The following STEAP1B variants were observed in gnomAD, a reference collection of about 807,000 sequenced individuals.
The protein encoded by STEAP1B is STEAP family protein MGC87042.
A neutral mutation model predicts 27.9 loss-of-function variants in STEAP1B; 13 were observed. The ratio of observed to expected loss-of-function variants is 0.47; its 90% CI spans 0.30 to 0.74. The LOEUF is 0.74. Ranked by LOEUF, STEAP1B falls within the 30% of genes least tolerant of loss-of-function variation. The pLI is 0.06. For synonymous variants in STEAP1B, 86 were observed against 107.1 expected (o/e 0.80, Z 1.22); for missense variants, 250 against 298.7 (o/e 0.84, Z 1.20).
chr7:22,451,956 G>A (rs908112135), intron 4 of STEAP1B, among the ~76,000 whole-genome samples: 1 of 152,172 alleles, frequency 6.6e-6, no homozygotes, highest in Non-Finnish European at 1.5e-5. Flanking sequence ...GTTTGAGTAG[G>A]ATTGGTATTA....
intron 4 of STEAP1B, among the ~76,000 whole-genome samples, chr7:22,443,886 T>G (rs1011583668): frequency 6.6e-6 from 1 of 152,220 alleles, no homozygotes; most frequent in African/African-American, 2.4e-5. Context: ...GAACAAGCTC[T>G]GGGCCAGAGA....
At chr7:22,455,579 T>C (rs1392946308) in intron 4 of STEAP1B, among the ~76,000 whole-genome samples, 2 of 152,218 alleles carry the variant, frequency 1.3e-5, no homozygotes, top group Non-Finnish European at 2.9e-5. Context: ...AAGTTGTCTT[T>C]TTCTTATTGT....
chr7:22,471,416 T>G (rs546814348), intron 4 of STEAP1B, among the ~76,000 whole-genome samples: 5 of 152,184 alleles, frequency 3.3e-5, no homozygotes, highest in Non-Finnish European at 7.3e-5. Context: ...AAAAACCATC[T>G]GCTGCCATCC....
intron 4 of STEAP1B, among the ~76,000 whole-genome samples, chr7:22,474,128 T>G (rs986778592): frequency 2.6e-5 from 4 of 152,210 alleles, no homozygotes; most frequent in African/African-American, 9.7e-5. Flanking sequence ...GGGAAAGAAA[T>G]AAATATATCA....
chr7:22,456,972 A>ATATATTTTTTTTTTTTT, intron 4 of STEAP1B, among the ~76,000 whole-genome samples: 3 of 57,058 alleles, frequency 5.3e-5, no homozygotes, highest in East Asian at 1.3e-3. Context: ...ATATATATAT[A>ATATATTTTTTTTTTTTT]TTTTTTTTTT....
intron 4 of STEAP1B, among the ~76,000 whole-genome samples, chr7:22,429,706 A>T (rs911547441): frequency 2.0e-5 from 3 of 152,208 alleles, no homozygotes; most frequent in African/African-American, 2.4e-5. Context: ...TTATTTTTTT[A>T]AATTTCTATT....
chr7:22,419,894 T>C (rs2128397388), intron 4 of STEAP1B, 58 bp from the exon 5 acceptor site: 1 of 1,499,202 alleles, frequency 6.7e-7, no homozygotes, highest in African/African-American at 1.4e-5. Flanking sequence ...ATCACTATAT[T>C]AATTTGCGTC....
rs948050649 is a variant in STEAP1B at position 22,480,988 on chromosome 7, C to T, written c.762+11577G>A. Among the ~76,000 whole-genome samples the T allele has an allele frequency of 6.6e-5, 10 of 152,180 alleles. No homozygotes were observed. The East Asian group carries it at 1.4e-3, about 21-fold the overall frequency. ...CTGAGGTTATGTTCATAATGGTTAC[C>T]ACTTAGGTGTTCACTAACAGGCTCA... is the stretch of plus-strand genomic sequence containing the variant. On this transcript the variant is annotated intron_variant, in intron 4 of 4. Transcript: ENST00000678116.
At chr7:22,454,158 G>C (rs917826375) in intron 4 of STEAP1B, among the ~76,000 whole-genome samples, 6 of 152,182 alleles carry the variant, frequency 3.9e-5, no homozygotes, top group African/African-American at 1.4e-4. Context: ...GTAAGAAAGA[G>C]AAAGCTAAAG....
intron 4 of STEAP1B, among the ~76,000 whole-genome samples, chr7:22,468,796 C>G (rs898424132): frequency 6.6e-6 from 1 of 152,194 alleles, no homozygotes; most frequent in Admixed American, 6.5e-5. Flanking sequence ...TTCTCATCAT[C>G]TTGTGACGTC....
intron 4 of STEAP1B, among the ~76,000 whole-genome samples, chr7:22,425,823 T>C (rs189437663): frequency 3.3e-5 from 5 of 152,142 alleles, no homozygotes; most frequent in Non-Finnish European, 7.4e-5. Context: ...TCTAGAAAAA[T>C]AGCAAAGGGG....
chr7:22,457,254 G>A (rs898774246), intron 4 of STEAP1B, among the ~76,000 whole-genome samples: 8 of 151,880 alleles, frequency 5.3e-5, no homozygotes, highest in Admixed American at 5.2e-4. Flanking sequence ...CTGTAAAAGG[G>A]AGTTCTGATT....
At chr7:22,463,280 A>T (rs1266746133) in intron 4 of STEAP1B, among the ~76,000 whole-genome samples, 1 of 151,892 alleles carries the variant, frequency 6.6e-6, no homozygotes, top group Non-Finnish European at 1.5e-5. Context: ...GGAGAACTAC[A>T]AACCACTGCT....
intron 4 of STEAP1B, among the ~76,000 whole-genome samples, chr7:22,452,403 C>T (rs1251992087): frequency 2.0e-5 from 3 of 152,038 alleles, no homozygotes; most frequent in Non-Finnish European, 4.4e-5. Context: ...CTGCAGCGCC[C>T]TCTATTGGCA....
rs557001832 is a variant in STEAP1B at position 22,436,771 on chromosome 7, C to T, written c.763-16935G>A. On this transcript the variant is annotated intron_variant, in intron 4 of 4. Transcript: ENST00000678116. ...AGTATTCCATGGTGTATACGTACCA[C>T]ATTTTCTTTATCTAGTCTATCACTG... 3.9e-5 allele frequency among the ~76,000 whole-genome samples: 6 copies of T among 152,314 alleles called. No homozygotes were observed. The East Asian group carries it at 7.7e-4, about 20-fold the overall frequency.
chr7:22,493,779 G>C lies in STEAP1B; in HGVS notation c.142C>G (p.Gln48Glu), dbSNP rs772761908. 4.4e-5 allele frequency: 71 copies of C among 1,613,526 alleles called. No individual in the cohort carries two copies. The African/African-American group carries it at 6.8e-4, about 15-fold the overall frequency. ...TCAAATTCATCAGCATGGGCTGTTT[G>C]CTGCAAATGCAAAAGCACAGGTCTT... The part of the protein sequence containing the change: ...LKRPVLLHLQ[Q>E]TAHADEFDCP... Residue 48 changes from glutamine (Q) to glutamate (E), a missense_variant, in exon 3 of 5, where the codon CAA becomes GAA. Gln to Glu is a conservative substitution (Grantham distance 29, BLOSUM62 2). Transcript: ENST00000678116.
chr7:22,467,412 G>A (rs1399912463), intron 4 of STEAP1B, among the ~76,000 whole-genome samples: 1 of 152,198 alleles, frequency 6.6e-6, no homozygotes, highest in African/African-American at 2.4e-5. Flanking sequence ...GTGCTCTTGT[G>A]AGCTGTGCAC....
intron 4 of STEAP1B, among the ~76,000 whole-genome samples, chr7:22,426,830 C>A (rs1785113634): frequency 6.6e-6 from 1 of 152,146 alleles, no homozygotes; most frequent in African/African-American, 2.4e-5. Context: ...ATACGTCAGG[C>A]AATGATGCAT....
At chr7:22,425,721 A>G (rs1276515342) in intron 4 of STEAP1B, among the ~76,000 whole-genome samples, 1 of 152,260 alleles carries the variant, frequency 6.6e-6, no homozygotes, top group Non-Finnish European at 1.5e-5. Context: ...CCCAAGGTGC[A>G]GCCTAAATGA....
Sources: gnomAD v4.1 joint callset for allele counts (sites outside exome capture counted in the v4.1 genomes callset) on GRCh38, gnomAD v4.1.1 for gene constraint, MANE v1.5 for transcripts, NCBI Gene and HGNC (gene_info 2026-07-23, HGNC 2026-07-21) for gene names.